Variants in TMEM232 observed in about 807,000 individuals in gnomAD.
The protein encoded by TMEM232 is transmembrane protein 232.
Under a neutral mutation model 78.8 loss-of-function variants are expected in TMEM232, and 80 were observed. The observed-to-expected ratio is 1.01, with a 90% CI of 0.85 to 1.22. The LOEUF (loss-of-function observed/expected upper bound fraction) is 1.22. Ranked by LOEUF, TMEM232 falls within the 50% of genes most tolerant of loss-of-function variation. The pLI is 0.00. For missense variants in TMEM232, 881 were observed against 742.2 expected (o/e 1.19, Z -2.17); for synonymous variants, 297 against 254.3 (o/e 1.17, Z -1.60).
chr5:110,557,945 T>A (rs1320096266), intron 11 of TMEM232, among the ~76,000 whole-genome samples: 3 of 152,204 alleles, frequency 2.0e-5, no homozygotes, highest in African/African-American at 7.2e-5. Context: ...ATCTTTGAAG[T>A]TGCTGTGCTT....
chr5:110,629,412 T>A (rs1187799644), intron 5 of TMEM232, among the ~76,000 whole-genome samples: 1 of 152,152 alleles, frequency 6.6e-6, no homozygotes, highest in Admixed American at 6.5e-5. Flanking sequence ...AAAGCTTGCA[T>A]CTTAATATTC....
At chr5:110,668,281 C>T (rs1790870504) in intron 1 of TMEM232, among the ~76,000 whole-genome samples, 1 of 152,084 alleles carries the variant, frequency 6.6e-6, no homozygotes, top group African/African-American at 2.4e-5. Context: ...TAGACCAAGA[C>T]AGAACAGCTA....
chr5:110,687,023 T>A (rs540074028), intron 1 of TMEM232, among the ~76,000 whole-genome samples: 3 of 152,252 alleles, frequency 2.0e-5, no homozygotes, highest in African/African-American at 7.2e-5. Context: ...CTGCTTTTCA[T>A]CCCTTTTTCA....
chr5:110,555,520 T>C (rs1774972438), intron 11 of TMEM232, among the ~76,000 whole-genome samples: 1 of 152,176 alleles, frequency 6.6e-6, no homozygotes, highest in Non-Finnish European at 1.5e-5. Flanking sequence ...TGTTAGGTCC[T>C]TTTGGTAAAG....
At chr5:110,684,834 C>A (rs538935071) in intron 1 of TMEM232, 1 of 152,068 alleles carries the variant, frequency 6.6e-6, no homozygotes, top group African/African-American at 2.4e-5. Flanking sequence ...GGCACAGGAC[C>A]TGGGCTGAGT....
At chr5:110,680,359 T>C (rs1792569054) in intron 1 of TMEM232, among the ~76,000 whole-genome samples, 1 of 133,526 alleles carries the variant, frequency 7.5e-6, no homozygotes, top group African/African-American at 2.9e-5. Context: ...GCTGTGCCAC[T>C]GCACTCCAGC....
At chr5:110,647,721 C>T (rs908827627) in intron 2 of TMEM232, among the ~76,000 whole-genome samples, 3 of 151,866 alleles carry the variant, frequency 2.0e-5, no homozygotes, top group African/African-American at 7.2e-5. Flanking sequence ...TCCAATAATT[C>T]CTTTATTGAT....
intron 11 of TMEM232, among the ~76,000 whole-genome samples, chr5:110,564,528 T>G (rs758233980): frequency 3.3e-5 from 5 of 151,950 alleles, no homozygotes; most frequent in African/African-American, 4.8e-5. Flanking sequence ...TACTGTGTAA[T>G]GGAAAACTTA....
At chr5:110,435,222 G>A (rs975368620) in intron 12 of TMEM232, among the ~76,000 whole-genome samples, 1 of 151,666 alleles carries the variant, frequency 6.6e-6, no homozygotes, top group African/African-American at 2.4e-5. Flanking sequence ...ACAACTTCAG[G>A]AAAGTCTCAG....
At position 110,688,901 on chromosome 5, in the gene TMEM232, G is replaced by C. The variant is rs144437393; in HGVS notation, c.-12-21537C>G. Among the ~76,000 whole-genome samples the C allele has an allele frequency of 2.1e-3, 319 of 152,260 alleles. 2 individuals are homozygous for C. Among genetic ancestry groups the C allele is most frequent in the African/African-American group, 7.1e-3 (297 of 41,548 alleles). The stretch of plus-strand genomic sequence containing the variant: ...TTCACCATGGCAATGCAAATTGATA[G>C]CTTTATAAAAATGCAGTCAACCCAG... On this transcript the variant is annotated intron_variant, in intron 1 of 13. Transcript: ENST00000455884.
downstream of TMEM232, among the ~76,000 whole-genome samples, chr5:110,415,194 T>G (rs1756150585): frequency 1.3e-5 from 2 of 151,526 alleles, no homozygotes; most frequent in African/African-American, 4.9e-5. Context: ...CTCCAACTTT[T>G]TTTTTTTTTT....
intron 12 of TMEM232, among the ~76,000 whole-genome samples, chr5:110,494,819 A>G (rs957360971): frequency 6.6e-6 from 1 of 151,984 alleles, no homozygotes; most frequent in African/African-American, 2.4e-5. Context: ...CTGAACCATA[A>G]TATTGATTAA....
At chr5:110,626,640 G>C (rs527855380) in intron 6 of TMEM232, among the ~76,000 whole-genome samples, 1 of 151,938 alleles carries the variant, frequency 6.6e-6, no homozygotes, top group Admixed American at 6.6e-5. Context: ...TTATAGCTAA[G>C]CTTTTTTTGA....
chr5:110,581,130 A>G (rs1306842224), intron 10 of TMEM232, among the ~76,000 whole-genome samples: 1 of 151,908 alleles, frequency 6.6e-6, no homozygotes, highest in Non-Finnish European at 1.5e-5. Context: ...CCAAACTACC[A>G]GTATTATTTT....
intron 12 of TMEM232, among the ~76,000 whole-genome samples, chr5:110,494,601 T>C (rs990062557): frequency 1.3e-5 from 2 of 152,030 alleles, no homozygotes; most frequent in South Asian, 2.1e-4. Flanking sequence ...TACTCCTAGG[T>C]ATAGTCTAGA....
At chr5:110,710,235 C>T (rs1477747449) in intron 1 of TMEM232, among the ~76,000 whole-genome samples, 1 of 151,998 alleles carries the variant, frequency 6.6e-6, no homozygotes, top group East Asian at 1.9e-4. Flanking sequence ...CTGAACAGAC[C>T]AATAACAAGC....
chr5:110,521,714 TTCTC>T (rs1769542388), intron 12 of TMEM232, among the ~76,000 whole-genome samples: 1 of 152,158 alleles, frequency 6.6e-6, no homozygotes, highest in South Asian at 2.1e-4. Context: ...AGAATCTTCT[TTCTC>T]TGTTATATAT....
chr5:110,644,158 T>A (rs1415130627), intron 2 of TMEM232, among the ~76,000 whole-genome samples: 2 of 151,920 alleles, frequency 1.3e-5, no homozygotes, highest in Non-Finnish European at 2.9e-5. Flanking sequence ...AACCTCATCT[T>A]TGATTTCCTG....
At chr5:110,521,904 G>A (rs772654328) in intron 12 of TMEM232, among the ~76,000 whole-genome samples, 3 of 152,072 alleles carry the variant, frequency 2.0e-5, no homozygotes, top group Admixed American at 1.3e-4. Context: ...ATGCCTACAG[G>A]TATATTCTTC....
Sources: gnomAD v4.1 joint callset for allele counts (sites outside exome capture counted in the v4.1 genomes callset) on GRCh38, gnomAD v4.1.1 for gene constraint, MANE v1.5 for transcripts, NCBI Gene and HGNC (gene_info 2026-07-23, HGNC 2026-07-21) for gene names.